The following PI4KA variants were observed in gnomAD, a reference collection of about 807,000 sequenced individuals.
PI4KA encodes the protein phosphatidylinositol 4-kinase alpha, also known as PI4-kinase alpha.
PI4KA carries 122 observed loss-of-function variants against 271.4 expected under a neutral mutation model. That is an observed-to-expected ratio of 0.45 (90% CI 0.39 to 0.52). PI4KA has a LOEUF of 0.52. PI4KA is among the 20% of genes least tolerant of loss of function. The pLI is 0.00. For synonymous variants in PI4KA, 1,041 were observed against 1,078.8 expected, an observed-to-expected ratio of 0.96 and a Z score of 0.69; for missense variants, 1,969 against 2,769.1, an observed-to-expected ratio of 0.71 and a Z score of 6.48.
Position 20,799,162 on chromosome 22 carries a change from G to A in PI4KA, c.1935C>T (p.Phe645=), listed in dbSNP as rs1233285396. ...CATCGAGGGGGGAGGGTGGCTGGCA[G>A]AATTTCTGCTGTAGGATCTGCAGAA... is the stretch of plus-strand genomic sequence containing the variant. The part of the protein sequence containing the change: ...EPILQILQQK[F]CQPPSPLDVL... The change falls in exon 16 of 55, where the codon TTC becomes TTT. Residue 645 remains phenylalanine, a synonymous_variant. Transcript: ENST00000255882. 1 of 1,611,782 alleles carries A rather than the reference G, an allele frequency of 6.2e-7. No homozygotes were observed. The highest frequency in any genetic ancestry group is 8.5e-7 in the Non-Finnish European group (1 of 1,178,980).
intron 5 of PI4KA, among the ~76,000 whole-genome samples, chr22:20,820,117 C>T (rs1395483485): frequency 6.6e-6 from 1 of 152,226 alleles, no homozygotes; most frequent in African/African-American, 2.4e-5. Flanking sequence ...TCAATACACC[C>T]AGCTGCCCTG....
chr22:20,799,888 C>A, intron 14 of PI4KA, 122 bp from the exon 15 acceptor site: 1 of 615,426 alleles, frequency 1.6e-6, no homozygotes. Context: ...TTCTTCCCCC[C>A]AAATTGGAGG....
chr22:20,853,088 CAG>C (rs1159528100), intron 1 of PI4KA, among the ~76,000 whole-genome samples: 1 of 152,118 alleles, frequency 6.6e-6, no homozygotes, highest in Non-Finnish European at 1.5e-5. Flanking sequence ...TTTCAAAAAC[CAG>C]ATCAATAGTT....
At chr22:20,750,074 T>C in intron 27 of PI4KA, 80 bp from the exon 28 acceptor site, 2 of 895,234 alleles carry the variant, frequency 2.2e-6, no homozygotes, top group Middle Eastern at 2.9e-4. Context: ...TGGGCTGAAC[T>C]ATGTCTCCCC....
chr22:20,779,484 G>C (rs199694909), intron 19 of PI4KA: 2 of 1,614,102 alleles, frequency 1.2e-6, no homozygotes, highest in South Asian at 2.2e-5. Flanking sequence ...TCTCCCTGCC[G>C]ACTTCCACAA....
At chr22:20,765,340 C>T (rs930371024) in intron 20 of PI4KA, 104 bp from the exon 21 acceptor site, 1 of 1,240,346 alleles carries the variant, frequency 8.1e-7, no homozygotes, top group Non-Finnish European at 1.1e-6. Flanking sequence ...AGACAATTAT[C>T]CCAAAAACTA....
chr22:20,847,657 G>C (rs184885098), intron 1 of PI4KA, among the ~76,000 whole-genome samples: 3 of 151,932 alleles, frequency 2.0e-5, no homozygotes, highest in Non-Finnish European at 4.4e-5. Context: ...TGAGGTGGGA[G>C]GACTGCTTAA....
At chr22:20,857,122 T>C (rs1013513597) in intron 1 of PI4KA, among the ~76,000 whole-genome samples, 1 of 152,240 alleles carries the variant, frequency 6.6e-6, no homozygotes, top group Admixed American at 6.5e-5. Context: ...TGCCTTTTTG[T>C]TGCTCTTCAC....
rs1352953187 is a variant in PI4KA at position 20,733,785 on chromosome 22, G to A, written c.4111C>T (p.Arg1371Cys). The change falls in exon 35 of 55, where the codon CGC (arginine) becomes TGC (cysteine). Residue 1371 changes from arginine to cysteine, a missense_variant. Physicochemically the swap from Arg to Cys is radical, Grantham distance 180. This residue lies in a region of PI4KA where 72 missense variants were observed against 103.1 expected (regional missense o/e 0.70). Transcript: ENST00000255882. ...TAGATCTTCTCGCGAAGCACATTGC[G>A]GATGGTTGCATTTGGAACCACATCG... The part of the protein sequence containing the change: ...HADVVPNATI[R>C]NVLREKIYST... 6.2e-6 allele frequency: 10 copies of A among 1,612,944 alleles called. No individual in the cohort carries two copies. The highest frequency in any genetic ancestry group is 1.3e-5 in the African/African-American group (1 of 74,796).
intron 27 of PI4KA, among the ~76,000 whole-genome samples, chr22:20,751,087 A>C (rs568648181): frequency 6.6e-6 from 1 of 152,030 alleles, no homozygotes; most frequent in Non-Finnish European, 1.5e-5. Flanking sequence ...CTTGGAAGAC[A>C]GAGCGACCTG....
chr22:20,810,700 C>T lies in PI4KA; in HGVS notation c.1071+267G>A, dbSNP rs568896748. 1.7e-4 allele frequency among the ~76,000 whole-genome samples: 26 copies of T among 152,152 alleles called. No individual in the cohort carries two copies. The East Asian group carries it at 3.9e-3, about 23-fold the overall frequency. On this transcript the variant is annotated intron_variant, in intron 9 of 54. Transcript: ENST00000255882. ...CCACAGTAACTATGTGATGTGGGCA[C>T]GTTAGTGAGTTCTCACTAAAACTCT...
At chr22:20,760,986 T>A (rs530429572) in intron 23 of PI4KA, among the ~76,000 whole-genome samples, 2 of 152,324 alleles carry the variant, frequency 1.3e-5, no homozygotes, top group East Asian at 3.9e-4. Flanking sequence ...AAACCATGAC[T>A]GCTCTCTGGC....
At position 20,858,368 on chromosome 22, in the gene PI4KA, T is replaced by C. The variant is rs165605; in HGVS notation, c.156+202A>G. On this transcript the variant is annotated intron_variant, in intron 1 of 54. Coordinates refer to ENST00000255882, the MANE Select transcript of PI4KA (RefSeq NM_058004.4). ...GCGGCCCTGCAGGCCCCGCCGACCC[T>C]TCCCCCACGGTCCCTCTCTCTTCAC... is the stretch of plus-strand genomic sequence containing the variant. 0.53 allele frequency among the ~76,000 whole-genome samples: 73,334 copies of C among 137,282 alleles called. 18,628 individuals are homozygous for C. Among genetic ancestry groups the C allele is most frequent in the African/African-American group, 0.63 (23,869 of 37,824 alleles). 90.1% of individuals were successfully genotyped at this position (137,282 alleles called of 152,430 possible). A position where few individuals can be genotyped will look rare whatever the true frequency, so the allele number is the denominator to read the frequency against.
In PI4KA at chr22:20,761,391, G is replaced by A. The variant is rs1289992179; in HGVS notation, c.2709-5C>T. On this transcript the variant is annotated splice_polypyrimidine_tract_variant and splice_region_variant and intron_variant, in intron 22 of 54. Coordinates refer to ENST00000255882, the MANE Select transcript of PI4KA (RefSeq NM_058004.4). ...GGATCTGTTGAACGCAGTACCCTAA[G>A]AAGAAAACAGCTTTAAATAAATTTT... 2 of 1,594,596 alleles carry A rather than the reference G, an allele frequency of 1.3e-6. No individual in the cohort carries two copies. Among genetic ancestry groups the A allele is most frequent in the East Asian group, 2.2e-5 (1 of 44,774 alleles).
chr22:20,809,299 T>G (rs1447497860), intron 9 of PI4KA, among the ~76,000 whole-genome samples: 2 of 152,114 alleles, frequency 1.3e-5, no homozygotes, highest in Non-Finnish European at 2.9e-5. Context: ...AACTGGGGAT[T>G]GTTGTGAGAT....
intron 7 of PI4KA, among the ~76,000 whole-genome samples, chr22:20,813,947 C>A (rs763712678): frequency 6.6e-6 from 1 of 152,038 alleles, no homozygotes; most frequent in Non-Finnish European, 1.5e-5. Flanking sequence ...AACAGATGCC[C>A]GTCGCCACAC....
At chr22:20,821,306 C>T (rs1207653865) in intron 4 of PI4KA, among the ~76,000 whole-genome samples, 1 of 152,018 alleles carries the variant, frequency 6.6e-6, no homozygotes, top group Non-Finnish European at 1.5e-5. Context: ...GCAACCTCCA[C>T]CTCCCAGGTT....
intron 3 of PI4KA, among the ~76,000 whole-genome samples, chr22:20,830,632 G>T (rs146112200): frequency 4.8e-4 from 73 of 152,178 alleles, no homozygotes; most frequent in African/African-American, 1.6e-3. Context: ...GGGATATTTA[G>T]TCCATTTACA....
chr22:20,819,284 T>C (rs1922265063), intron 6 of PI4KA, among the ~76,000 whole-genome samples: 1 of 151,800 alleles, frequency 6.6e-6, no homozygotes, highest in Non-Finnish European at 1.5e-5. Flanking sequence ...TTGGCCATAT[T>C]TTCATGTTTT....
Sources: allele counts gnomAD v4.1 joint callset (sites outside exome capture counted in the v4.1 genomes callset), GRCh38; gene constraint gnomAD v4.1.1; regional missense constraint gnomAD v4.1.1; transcripts MANE v1.5; gene names NCBI Gene and HGNC (gene_info 2026-07-23, HGNC 2026-07-21).